Variants in SMIM19 observed in about 807,000 individuals in gnomAD.
The protein encoded by SMIM19 is small integral membrane protein 19, also known as UPF0697 protein C8orf40.
Under a neutral mutation model 13.2 loss-of-function variants are expected in SMIM19, and 6 were observed. The observed-to-expected ratio is 0.45, with a 90% CI of 0.25 to 0.90. The LOEUF is 0.90. Ranked by LOEUF, SMIM19 falls within the 40% of genes least tolerant of loss-of-function variation. The pLI, the probability that SMIM19 is intolerant of heterozygous loss-of-function variation, is 0.19. For missense variants in SMIM19, 138 were observed against 131.0 expected (o/e 1.05, Z -0.26); for synonymous variants, 46 against 43.1 (o/e 1.07, Z -0.27).
Position 42,552,794 on chromosome 8 carries a change from A to C in SMIM19, c.*186A>C. 3 of 615,888 alleles carry C rather than the reference A, an allele frequency of 4.9e-6. No individual in the cohort carries two copies. The highest frequency in any genetic ancestry group is 8.4e-6 in the Non-Finnish European group (3 of 358,532). The allele number at this position is 615,888 out of a possible 1,614,324, so 38.2% of individuals were successfully genotyped here. On this transcript the variant is annotated 3_prime_UTR_variant, in exon 4 of 4. Coordinates refer to ENST00000417410, the MANE Select transcript of SMIM19 (RefSeq NM_001135674.2). ...TCCAAGTGGCTCAAAAGGCCTTGAC[A>C]CAGGGAACCTGCACATATCCAGGAT...
intron 1 of SMIM19, among the ~76,000 whole-genome samples, chr8:42,543,698 C>G (rs775501987): frequency 2.0e-5 from 3 of 152,182 alleles, no homozygotes; most frequent in Non-Finnish European, 4.4e-5. Flanking sequence ...TAACCTGGTT[C>G]TGATCCATTT....
chr8:42,550,696 C>T (rs139161865), intron 3 of SMIM19, among the ~76,000 whole-genome samples: 7 of 152,300 alleles, frequency 4.6e-5, no homozygotes, highest in Non-Finnish European at 7.4e-5. Flanking sequence ...AAGGTCCCTA[C>T]CTTAATCACA....
intron 1 of SMIM19, among the ~76,000 whole-genome samples, chr8:42,544,239 G>A (rs1028764196): frequency 2.3e-4 from 34 of 150,708 alleles, no homozygotes; most frequent in African/African-American, 7.6e-4. Context: ...GTGAAACCCC[G>A]TCTCTACTAA....
At chr8:42,548,897 C>T (rs2974349) in intron 3 of SMIM19, 117 bp downstream of exon 3, 680,700 of 1,061,004 alleles carry the variant, frequency 0.64, 221,446 homozygotes, top group African/African-American at 0.85. Context: ...CTTAGTACTT[C>T]TTTCAGATGT....
At chr8:42,546,444 C>T in intron 1 of SMIM19, 25 bp from the exon 2 acceptor site, 3 of 1,581,932 alleles carry the variant, frequency 1.9e-6, no homozygotes, top group Non-Finnish European at 2.6e-6. Flanking sequence ...TTAAAAGAAA[C>T]CCTGCTTTCT....
chr8:42,546,774 G>A (rs10089028), intron 2 of SMIM19, among the ~76,000 whole-genome samples, 168 bp downstream of exon 2: 12,732 of 151,378 alleles, frequency 0.084, 1,174 homozygotes, highest in African/African-American at 0.22. Flanking sequence ...CACGAGGTCA[G>A]GAAATTGAGA....
At position 42,552,624 on chromosome 8, in the gene SMIM19, G is replaced by A; in HGVS notation, c.*16G>A. 1 of 1,613,338 alleles carries A rather than the reference G, an allele frequency of 6.2e-7. No homozygotes were observed. The highest frequency in any genetic ancestry group is 8.5e-7 in the Non-Finnish European group (1 of 1,179,544). On this transcript the variant is annotated 3_prime_UTR_variant, in exon 4 of 4. Coordinates refer to ENST00000417410, the MANE Select transcript of SMIM19 (RefSeq NM_001135674.2). Reference sequence around the variant, plus strand: ...ATTGGAATGAAACCTCAGAAAAAGAGCAACAGAAGTAATTGTTTCAAGCTC... The same window carrying A: ...ATTGGAATGAAACCTCAGAAAAAGAACAACAGAAGTAATTGTTTCAAGCTC...
intron 2 of SMIM19, 25 bp downstream of exon 2, chr8:42,546,631 A>G (rs1178073490): frequency 1.3e-6 from 2 of 1,589,870 alleles, no homozygotes; most frequent in African/African-American, 1.4e-5. Flanking sequence ...CTCAGGGTAG[A>G]TAAAAACTGT....
Position 42,548,864 on chromosome 8 carries a change from T to C in SMIM19, c.259+84T>C, listed in dbSNP as rs765408940. 176 of 1,385,800 alleles carry C rather than the reference T, an allele frequency of 1.3e-4. 1 individual carries two copies. Among genetic ancestry groups the C allele is most frequent in the Non-Finnish European group, 1.5e-4 (159 of 1,027,976 alleles). 85.8% of individuals were successfully genotyped at this position (1,385,800 alleles called of 1,614,324 possible). A position where few individuals can be genotyped will look rare whatever the true frequency, so the allele number is the denominator to read the frequency against. The stretch of plus-strand genomic sequence containing the variant: ...ATTGAGTTCATTTAGCAAAATGTTA[T>C]TAGAAATCGTAAGTAATGAAAACTT... On this transcript the variant is annotated intron_variant, in intron 3 of 3. Transcript: ENST00000417410.
rs111645162 is a variant in SMIM19, at chr8:42,546,920, T to G, written c.134+314T>G. Reference sequence around the variant, plus strand: ...ATCACTTGAACCAGGGAGTTGGAGGTTGCAGTGGTGTACTCCAGCCTGGCG... The same window carrying G: ...ATCACTTGAACCAGGGAGTTGGAGGGTGCAGTGGTGTACTCCAGCCTGGCG... On this transcript the variant is annotated intron_variant, in intron 2 of 3. Coordinates refer to ENST00000417410, the MANE Select transcript of SMIM19 (RefSeq NM_001135674.2). Among the ~76,000 whole-genome samples, 774 of 113,160 alleles carry G rather than the reference T, an allele frequency of 6.8e-3. 10 individuals are homozygous for G. Among genetic ancestry groups the G allele is most frequent in the African/African-American group, 0.026 (747 of 28,552 alleles). The allele number at this position is 113,160 out of a possible 152,430, so 74.2% of individuals were successfully genotyped here. A position where few individuals can be genotyped will look rare whatever the true frequency, so the allele number is the denominator to read the frequency against.
chr8:42,551,334 G>A (rs935726962), intron 3 of SMIM19, among the ~76,000 whole-genome samples: 6 of 149,342 alleles, frequency 4.0e-5, no homozygotes, highest in Non-Finnish European at 5.9e-5. Context: ...AAAAAACTTA[G>A]AAGAGATTGA....
At chr8:42,550,338 C>A (rs1439657909) in intron 3 of SMIM19, among the ~76,000 whole-genome samples, 2 of 152,164 alleles carry the variant, frequency 1.3e-5, no homozygotes, top group Non-Finnish European at 1.5e-5. Flanking sequence ...TAACAAATTA[C>A]CACAAATGTA....
chr8:42,541,370 GC>G, upstream of SMIM19: 1 of 148,068 alleles, frequency 6.8e-6, no homozygotes, highest in East Asian at 2.0e-4. Context: ...CGGGAGTCGG[GC>G]CGGGGGCTCG....
chr8:42,541,325 G>C (rs1813129009), upstream of SMIM19: 1 of 148,394 alleles, frequency 6.7e-6, no homozygotes. Context: ...AGCCCCGCCG[G>C]CGCCGACCAG....
intron 2 of SMIM19, among the ~76,000 whole-genome samples, chr8:42,547,084 G>A (rs1286750382): frequency 6.6e-6 from 1 of 152,126 alleles, no homozygotes; most frequent in Non-Finnish European, 1.5e-5. Context: ...TTGCTGGCCA[G>A]ACACGGTGGC....
chr8:42,551,375 A>C (rs565799802), intron 3 of SMIM19, among the ~76,000 whole-genome samples: 3 of 152,276 alleles, frequency 2.0e-5, no homozygotes, highest in African/African-American at 4.8e-5. Flanking sequence ...GGATGACACA[A>C]AGATTTTTAG....
In SMIM19 at chr8:42,543,796, C is replaced by T. The variant is rs530319785; in HGVS notation, c.-5+1423C>T. Among the ~76,000 whole-genome samples, 13 of 152,280 alleles carry T rather than the reference C, an allele frequency of 8.5e-5. No individual in the cohort carries two copies. In the East Asian group the frequency reaches 2.1e-3, roughly 25 times the overall value. ...TAGTGGCCAGTGCTGTATGGTTCCCCGTTTCTTGCCTAATTTGTTAATAAC... is the reference window on the plus strand; with the variant it reads ...TAGTGGCCAGTGCTGTATGGTTCCCTGTTTCTTGCCTAATTTGTTAATAAC... On this transcript the variant is annotated intron_variant, in intron 1 of 3. Transcript: ENST00000417410.
intron 1 of SMIM19, among the ~76,000 whole-genome samples, chr8:42,545,979 G>A (rs1813465204): frequency 6.6e-6 from 1 of 152,074 alleles, no homozygotes; most frequent in Non-Finnish European, 1.5e-5. Flanking sequence ...AGGTTTTGTG[G>A]GCTTTGAAAC....
rs1455397178 is a variant in SMIM19, at chr8:42,544,494, C to G, written c.-4-1975C>G. On this transcript the variant is annotated intron_variant, in intron 1 of 3. Coordinates refer to ENST00000417410, the MANE Select transcript of SMIM19 (RefSeq NM_001135674.2). ...AAAATCCACAGCCAGTCTTTAGTAT[C>G]TAGGAATTGGGTATAGTCTAGTGTT... 6.4e-5 allele frequency among the ~76,000 whole-genome samples: 4 copies of G among 62,676 alleles called. No homozygotes were observed. In the East Asian group the frequency reaches 1.7e-3, roughly 26 times the overall value. The allele number at this position is 62,676 out of a possible 152,430, so 41.1% of individuals were successfully genotyped here.
Sources: allele counts gnomAD v4.1 joint callset (sites outside exome capture counted in the v4.1 genomes callset), GRCh38; gene constraint gnomAD v4.1.1; transcripts MANE v1.5; gene names NCBI Gene and HGNC (gene_info 2026-07-23, HGNC 2026-07-21).